IMMP2L: variants seen among roughly 807,000 people sequenced by gnomAD.
IMMP2L encodes mitochondrial inner membrane protease subunit 2.
A neutral mutation model predicts 19.3 loss-of-function variants in IMMP2L; 18 were observed. The observed-to-expected ratio is 0.93, with a 90% CI of 0.64 to 1.38. The LOEUF (loss-of-function observed/expected upper bound fraction) is 1.38, where lower values mean the gene tolerates loss of function less well. Ranked by LOEUF, IMMP2L falls within the 40% of genes most tolerant of loss-of-function variation. The pLI, the probability that IMMP2L is intolerant of heterozygous loss-of-function variation, is 0.00. For synonymous variants in IMMP2L, 76 were observed against 73.0 expected (o/e 1.04, Z -0.21); for missense variants, 233 against 218.2 (o/e 1.07, Z -0.43).
chr7:111,420,754 ACATAGTATTC>A (rs1835429568), intron 3 of IMMP2L, among the ~76,000 whole-genome samples: 1 of 151,626 alleles, frequency 6.6e-6, no homozygotes, highest in Non-Finnish European at 1.5e-5. Context: ...TTTTATGACT[ACATAGTATTC>A]CATGGTGTAT....
chr7:111,466,502 G>A (rs1052243984), intron 3 of IMMP2L, among the ~76,000 whole-genome samples: 5 of 152,028 alleles, frequency 3.3e-5, no homozygotes, highest in Non-Finnish European at 7.4e-5. Flanking sequence ...TCCCTTACTT[G>A]GCTTAGCAGA....
At chr7:110,851,142 CAAT>C (rs1806180297) in intron 5 of IMMP2L, among the ~76,000 whole-genome samples, 1 of 151,912 alleles carries the variant, frequency 6.6e-6, no homozygotes, top group African/African-American at 2.4e-5. Context: ...TTATGGAGGA[CAAT>C]TAGTAATATT....
chr7:111,102,623 T>C (rs957593137), intron 3 of IMMP2L, among the ~76,000 whole-genome samples: 2 of 151,580 alleles, frequency 1.3e-5, no homozygotes, highest in Non-Finnish European at 3.0e-5. Flanking sequence ...AATTACTAAA[T>C]GGAAGCCCAC....
At chr7:111,396,016 A>G (rs113602754) in intron 3 of IMMP2L, among the ~76,000 whole-genome samples, 3,165 of 152,240 alleles carry the variant, frequency 0.021, 114 homozygotes, top group African/African-American at 0.072. Context: ...AAACAGGAAT[A>G]CTTTTACAGT....
At chr7:110,797,634 T>G (rs1800949111) in intron 5 of IMMP2L, among the ~76,000 whole-genome samples, 1 of 151,990 alleles carries the variant, frequency 6.6e-6, no homozygotes, top group Non-Finnish European at 1.5e-5. Context: ...GGTACTAGTA[T>G]AAGAATATCT....
chr7:110,917,267 C>T (rs1357373075), intron 4 of IMMP2L, among the ~76,000 whole-genome samples: 1 of 152,132 alleles, frequency 6.6e-6, no homozygotes, highest in Non-Finnish European at 1.5e-5. Flanking sequence ...CTTGTGGCCT[C>T]TAGAACTGTG....
At chr7:111,041,475 T>C (rs924957119) in intron 3 of IMMP2L, among the ~76,000 whole-genome samples, 4 of 151,976 alleles carry the variant, frequency 2.6e-5, no homozygotes, top group Non-Finnish European at 4.4e-5. Context: ...GTGGCTTTTC[T>C]AGTTTGCATT....
At chr7:111,499,843 T>C (rs1484998692) in intron 2 of IMMP2L, among the ~76,000 whole-genome samples, 1 of 151,942 alleles carries the variant, frequency 6.6e-6, no homozygotes, top group African/African-American at 2.4e-5. Flanking sequence ...GATGGCCAAA[T>C]AGGAACAGCT....
intron 5 of IMMP2L, among the ~76,000 whole-genome samples, chr7:110,805,208 C>T (rs1801543139): frequency 6.6e-6 from 1 of 152,040 alleles, no homozygotes; most frequent in African/African-American, 2.4e-5. Context: ...ACTGATATAA[C>T]ATAAATTAAC....
chr7:111,291,667 A>C (rs1321396645), intron 3 of IMMP2L, among the ~76,000 whole-genome samples: 1 of 152,136 alleles, frequency 6.6e-6, no homozygotes, highest in East Asian at 1.9e-4. Context: ...AGAGGGAATA[A>C]GCCTTAGTGA....
intron 3 of IMMP2L, among the ~76,000 whole-genome samples, chr7:111,282,451 G>A (rs1407111356): frequency 1.3e-5 from 2 of 152,098 alleles, no homozygotes; most frequent in African/African-American, 4.8e-5. Flanking sequence ...AATCAATCAG[G>A]AAGTTATAGA....
At chr7:110,869,167 G>A (rs1002456356) in intron 5 of IMMP2L, among the ~76,000 whole-genome samples, 11 of 151,834 alleles carry the variant, frequency 7.2e-5, no homozygotes, top group African/African-American at 2.7e-4. Flanking sequence ...TTTCAGGTGG[G>A]GCTATTGAAA....
chr7:110,958,028 T>C (rs1463737919), intron 4 of IMMP2L, among the ~76,000 whole-genome samples: 2 of 151,928 alleles, frequency 1.3e-5, no homozygotes, highest in Non-Finnish European at 2.9e-5. Context: ...TCTAGACCAG[T>C]GCTTTTTAAA....
intron 4 of IMMP2L, among the ~76,000 whole-genome samples, chr7:110,892,423 G>T (rs891079521): frequency 6.6e-6 from 1 of 152,036 alleles, no homozygotes; most frequent in Admixed American, 6.6e-5. Context: ...AAAAAGAAGG[G>T]TATAAAATGG....
chr7:111,284,768 T>C lies in IMMP2L; in HGVS notation c.239+202470A>G, dbSNP rs905394878. 3.9e-5 allele frequency among the ~76,000 whole-genome samples: 6 copies of C among 152,204 alleles called. No individual in the cohort carries two copies. The South Asian group carries it at 1.2e-3, about 32-fold the overall frequency. ...CTAGCTCAGCTATGACAATGTACTC[T>C]GTGAGCAATGAAAGTTCAAGGGGTT... is the stretch of plus-strand genomic sequence containing the variant. On this transcript the variant is annotated intron_variant, in intron 3 of 5. Coordinates refer to ENST00000405709, the MANE Select transcript of IMMP2L (RefSeq NM_032549.4).
At chr7:111,424,160 T>C (rs1170988672) in intron 3 of IMMP2L, among the ~76,000 whole-genome samples, 2 of 151,938 alleles carry the variant, frequency 1.3e-5, no homozygotes, top group African/African-American at 2.4e-5. Context: ...TAGAGGTTAA[T>C]GTTTACGAAT....
chr7:111,217,464 T>C (rs565039148), intron 3 of IMMP2L, among the ~76,000 whole-genome samples: 2 of 152,224 alleles, frequency 1.3e-5, no homozygotes, highest in East Asian at 1.9e-4. Context: ...AGCCCACTCA[T>C]GGAGCTTGGA....
At chr7:111,500,672 C>A (rs990641464) in intron 2 of IMMP2L, among the ~76,000 whole-genome samples, 1 of 152,042 alleles carries the variant, frequency 6.6e-6, no homozygotes, top group African/African-American at 2.4e-5. Context: ...CTACAGCCAC[C>A]GCTGTTCTGC....
intron 3 of IMMP2L, among the ~76,000 whole-genome samples, chr7:111,403,585 G>A (rs901786680): frequency 6.6e-6 from 1 of 152,028 alleles, no homozygotes; most frequent in Non-Finnish European, 1.5e-5. Context: ...CAAAATATAT[G>A]TTTTGTTTAA....
Sources: gnomAD v4.1 joint callset for allele counts (sites outside exome capture counted in the v4.1 genomes callset) on GRCh38, gnomAD v4.1.1 for gene constraint, MANE v1.5 for transcripts, NCBI Gene and HGNC (gene_info 2026-07-23, HGNC 2026-07-21) for gene names.